Variants in RSU1 observed in about 807,000 individuals in gnomAD.
RSU1 encodes rsu-1.
RSU1 carries 26 observed loss-of-function variants against 31.1 expected under a neutral mutation model. The ratio of observed to expected loss-of-function variants is 0.84; its 90% confidence interval spans 0.61 to 1.16. The LOEUF is 1.16. Among genes scored for constraint, RSU1 ranks in the 50% most tolerant of loss-of-function variants. The probability of loss-of-function intolerance (pLI) is 0.00; values close to 1 mark genes in which losing one functional copy is unlikely to be tolerated. For missense variants in RSU1, 320 were observed against 339.1 expected, an observed-to-expected ratio of 0.94 and a Z score of 0.44; for synonymous variants, 164 against 136.3, an observed-to-expected ratio of 1.20 and a Z score of -1.41.
At chr10:16,787,220 C>T (rs991035442) in intron 2 of RSU1, among the ~76,000 whole-genome samples, 1 of 152,192 alleles carries the variant, frequency 6.6e-6, no homozygotes, top group Non-Finnish European at 1.5e-5. Flanking sequence ...TGAACCACCT[C>T]CTGTGCTTTT....
chr10:16,751,607 T>C (rs1836982829), intron 7 of RSU1, among the ~76,000 whole-genome samples: 1 of 152,224 alleles, frequency 6.6e-6, no homozygotes, highest in Non-Finnish European at 1.5e-5. Flanking sequence ...GCACCTACTG[T>C]ACCCGAGGGA....
intron 2 of RSU1, among the ~76,000 whole-genome samples, chr10:16,785,159 A>C (rs1837745687): frequency 6.6e-6 from 1 of 152,092 alleles, no homozygotes; most frequent in Admixed American, 6.5e-5. Flanking sequence ...GGCACCATCT[A>C]ATCAGCTGCC....
intron 2 of RSU1, among the ~76,000 whole-genome samples, chr10:16,808,989 T>C (rs1838342491): frequency 1.3e-5 from 2 of 152,208 alleles, no homozygotes; most frequent in South Asian, 2.1e-4. Context: ...GCTGACACTA[T>C]GATCTTGAAC....
At chr10:16,785,793 A>G (rs1837780457) in intron 2 of RSU1, among the ~76,000 whole-genome samples, 1 of 151,762 alleles carries the variant, frequency 6.6e-6, no homozygotes, top group African/African-American at 2.4e-5. Flanking sequence ...AAGGATCTTC[A>G]CTTTGATCGC....
At chr10:16,740,842 T>C (rs1836735641) in intron 7 of RSU1, among the ~76,000 whole-genome samples, 1 of 152,214 alleles carries the variant, frequency 6.6e-6, no homozygotes, top group East Asian at 1.9e-4. Context: ...CCCATGTTCA[T>C]GGATCTGAAC....
At chr10:16,639,487 T>C (rs45627936) in intron 8 of RSU1, among the ~76,000 whole-genome samples, 5,696 of 152,286 alleles carry the variant, frequency 0.037, 136 homozygotes, top group Admixed American at 0.043. Flanking sequence ...TGGCAAAATA[T>C]TTTGGTACAA....
Position 16,797,065 on chromosome 10 carries a change from C to A in RSU1, c.110-14981G>T, listed in dbSNP as rs1447522469. Among the ~76,000 whole-genome samples, 3 of 152,176 alleles carry A rather than the reference C, an allele frequency of 2.0e-5. No homozygotes were observed. In the East Asian group the frequency reaches 5.8e-4, roughly 29 times the overall value. On this transcript the variant is annotated intron_variant, in intron 2 of 8. Transcript: ENST00000345264. The stretch of plus-strand genomic sequence containing the variant: ...GCAGCTGAAATTAGGAAGGGTTTGC[C>A]CATTCCAACAGCAGGGCCTGCAGTA...
chr10:16,645,744 T>A (rs111801705), intron 8 of RSU1, among the ~76,000 whole-genome samples: 7,468 of 148,276 alleles, frequency 0.05, 731 homozygotes, highest in African/African-American at 0.18. Context: ...GAGGCGGAGG[T>A]TGCAGTAAGC....
chr10:16,803,572 A>T (rs180843979), intron 2 of RSU1, among the ~76,000 whole-genome samples: 57 of 152,316 alleles, frequency 3.7e-4, no homozygotes, highest in Admixed American at 9.8e-4. Flanking sequence ...ACACTGACCA[A>T]CTTCAAAACT....
intron 8 of RSU1, among the ~76,000 whole-genome samples, chr10:16,649,783 C>T (rs1834645229): frequency 6.6e-6 from 1 of 152,116 alleles, no homozygotes; most frequent in Non-Finnish European, 1.5e-5. Context: ...CTCCTGTAAT[C>T]TTGTTTGAAA....
At chr10:16,741,529 A>C (rs1047697329) in intron 7 of RSU1, among the ~76,000 whole-genome samples, 2 of 152,174 alleles carry the variant, frequency 1.3e-5, no homozygotes, top group African/African-American at 4.8e-5. Flanking sequence ...ATGAGCTGCA[A>C]AAATATTCAG....
intron 7 of RSU1, among the ~76,000 whole-genome samples, chr10:16,726,312 G>C (rs1836393092): frequency 6.9e-6 from 1 of 144,484 alleles, no homozygotes; most frequent in South Asian, 2.1e-4. Context: ...TCTGTCACCA[G>C]GTTAGAGTGC....
intron 2 of RSU1, among the ~76,000 whole-genome samples, chr10:16,801,082 T>G (rs1838145882): frequency 6.7e-6 from 1 of 150,368 alleles, no homozygotes; most frequent in African/African-American, 2.4e-5. Context: ...AGACTATCAG[T>G]GTGGATCTTT....
chr10:16,676,249 A>G (rs1364070379), intron 8 of RSU1, among the ~76,000 whole-genome samples: 2 of 152,226 alleles, frequency 1.3e-5, no homozygotes, highest in African/African-American at 4.8e-5. Flanking sequence ...CTTATGAAGA[A>G]AAAGAGGCTT....
At position 16,646,397 on chromosome 10, in the gene RSU1, C is replaced by T. The variant is rs563857700; in HGVS notation, c.731+48626G>A. ...AGCCGTGGTTTATTCATCCTGGTAT[C>T]CTCCTTCTTGGTTCAATGACTGAAA... On this transcript the variant is annotated intron_variant, in intron 8 of 8. Coordinates refer to ENST00000345264, the MANE Select transcript of RSU1 (RefSeq NM_012425.4). 9.9e-5 allele frequency among the ~76,000 whole-genome samples: 15 copies of T among 152,154 alleles called. No homozygotes were observed. In the South Asian group the frequency reaches 1.5e-3, roughly 15 times the overall value.
intron 2 of RSU1, among the ~76,000 whole-genome samples, chr10:16,800,004 T>C (rs1348763789): frequency 6.6e-6 from 1 of 152,048 alleles, no homozygotes; most frequent in Non-Finnish European, 1.5e-5. Flanking sequence ...ACGGCAGAAG[T>C]TCAAGGCTCA....
intron 3 of RSU1, among the ~76,000 whole-genome samples, chr10:16,765,513 G>C (rs1023952740): frequency 6.6e-6 from 1 of 152,074 alleles, no homozygotes; most frequent in Non-Finnish European, 1.5e-5. Context: ...TCCTTCCCTA[G>C]AATATATACA....
chr10:16,726,806 T>G (rs1477591176), intron 7 of RSU1, among the ~76,000 whole-genome samples: 1 of 152,146 alleles, frequency 6.6e-6, no homozygotes, highest in African/African-American at 2.4e-5. Context: ...AAATTTGTAG[T>G]ATTTAATGTA....
chr10:16,733,023 C>G (rs1836546581), intron 7 of RSU1, among the ~76,000 whole-genome samples: 2 of 152,050 alleles, frequency 1.3e-5, no homozygotes, highest in African/African-American at 4.8e-5. Flanking sequence ...GTAACTCCAG[C>G]TCACAGAAAT....
Sources: allele counts gnomAD v4.1 joint callset (sites outside exome capture counted in the v4.1 genomes callset), GRCh38; gene constraint gnomAD v4.1.1; transcripts MANE v1.5; gene names NCBI Gene and HGNC (gene_info 2026-07-23, HGNC 2026-07-21).